The following PPP2R5E variants were observed in gnomAD, a reference collection of about 807,000 sequenced individuals.
PPP2R5E encodes the protein serine/threonine-protein phosphatase 2A 56 kDa regulatory subunit epsilon isoform.
Under a neutral mutation model 65.3 loss-of-function variants are expected in PPP2R5E, and 4 were observed. That is an observed-to-expected ratio of 0.06 (90% CI 0.03 to 0.14). PPP2R5E has a LOEUF of 0.14. Among genes scored for constraint, PPP2R5E ranks in the 10% least tolerant of loss-of-function variants. The pLI, the probability that PPP2R5E is intolerant of heterozygous loss-of-function variation, is 1.00. For synonymous variants in PPP2R5E, 183 were observed against 187.4 expected, an observed-to-expected ratio of 0.98 and a Z score of 0.19; for missense variants, 274 against 556.1, an observed-to-expected ratio of 0.49 and a Z score of 5.10.
chr14:63,427,493 A>C (rs1887403233), intron 3 of PPP2R5E, among the ~76,000 whole-genome samples: 1 of 152,154 alleles, frequency 6.6e-6, no homozygotes, highest in Non-Finnish European at 1.5e-5. Context: ...GGATGTTAGG[A>C]TCAAACTAAA....
In PPP2R5E at chr14:63,540,123, C is replaced by T. The variant is rs544824084; in HGVS notation, c.-7-431G>A. ...CAGCCTGAGTGACAGAGTGAGATTCCGTCCTTTAAAAAAAAAAAAAAAAAG... is the reference window on the plus strand; with the variant it reads ...CAGCCTGAGTGACAGAGTGAGATTCTGTCCTTTAAAAAAAAAAAAAAAAAG... On this transcript the variant is annotated intron_variant, in intron 1 of 13. Transcript: ENST00000337537. Among the ~76,000 whole-genome samples the T allele has an allele frequency of 3.0e-5, 4 of 132,396 alleles. No homozygotes were observed. The East Asian group carries it at 9.1e-4, about 30-fold the overall frequency. The allele number at this position is 132,396 out of a possible 152,430, so 86.9% of individuals were successfully genotyped here. A position where few individuals can be genotyped will look rare whatever the true frequency, so the allele number is the denominator to read the frequency against.
chr14:63,442,572 A>G (rs34717842), intron 3 of PPP2R5E, among the ~76,000 whole-genome samples: 4 of 152,166 alleles, frequency 2.6e-5, no homozygotes, highest in African/African-American at 9.7e-5. Context: ...TGAGAGAGAG[A>G]CAGAGAGAGA....
chr14:63,500,587 T>C (rs556371823), intron 2 of PPP2R5E, among the ~76,000 whole-genome samples: 3 of 152,304 alleles, frequency 2.0e-5, no homozygotes, highest in Admixed American at 6.5e-5. Context: ...ATATGACAGA[T>C]CCCTGGGTGG....
intron 2 of PPP2R5E, among the ~76,000 whole-genome samples, chr14:63,539,050 G>C (rs1893784167): frequency 6.6e-6 from 1 of 152,134 alleles, no homozygotes; most frequent in African/African-American, 2.4e-5. Context: ...GAAAACAAGA[G>C]TGCATGTAAA....
Position 63,522,962 on chromosome 14 carries a change from G to T in PPP2R5E, c.157+16567C>A, listed in dbSNP as rs1318815632. Among the ~76,000 whole-genome samples the T allele has an allele frequency of 3.5e-5, 5 of 143,084 alleles. No homozygotes were observed. The East Asian group carries it at 1.1e-3, about 31-fold the overall frequency. The allele number at this position is 143,084 out of a possible 152,430, so 93.9% of individuals were successfully genotyped here. On this transcript the variant is annotated intron_variant, in intron 2 of 13. Coordinates refer to ENST00000337537, the MANE Select transcript of PPP2R5E (RefSeq NM_006246.5). ...CGCCCCGTCCGGGAGGGAGGTGGGG[G>T]GGTCAGCCCCCTGCCCGGCCAGCCG... is the stretch of plus-strand genomic sequence containing the variant.
At chr14:63,471,749 C>T (rs1287093130) in intron 2 of PPP2R5E, among the ~76,000 whole-genome samples, 1 of 152,184 alleles carries the variant, frequency 6.6e-6, no homozygotes, top group Middle Eastern at 3.2e-3. Flanking sequence ...GGCACCTGTA[C>T]ACTATCCCAC....
At chr14:63,405,446 G>A (rs1886011383) in intron 5 of PPP2R5E, among the ~76,000 whole-genome samples, 2 of 152,186 alleles carry the variant, frequency 1.3e-5, no homozygotes, top group African/African-American at 4.8e-5. Context: ...TTAAGGACAG[G>A]CTGAATGATT....
intron 4 of PPP2R5E, among the ~76,000 whole-genome samples, chr14:63,418,580 G>A (rs1886827213): frequency 6.6e-6 from 1 of 152,174 alleles, no homozygotes. Flanking sequence ...AAGAAGACTA[G>A]CATTCCTGTT....
At position 63,539,624 on chromosome 14, in the gene PPP2R5E, G is replaced by C; in HGVS notation, c.62C>G (p.Ser21Cys). ...CCTCTTCTGTCTGGCTTTTCTGACG[G>C]ACTTCCGAGAAAATCCGTCTACTTT... ...VDKVDGFSRK[S>C]VRKARQKRSQ... Residue 21 changes from serine (S) to cysteine (C), a missense_variant, in exon 2 of 14, where the codon TCC becomes TGC. This residue lies in a region of PPP2R5E where 58 missense variants were observed against 64.8 expected (regional missense o/e 0.90). Coordinates refer to ENST00000337537, the MANE Select transcript of PPP2R5E (RefSeq NM_006246.5). 6.2e-7 allele frequency: 1 copy of C among 1,614,038 alleles called. No individual in the cohort carries two copies. Among genetic ancestry groups the C allele is most frequent in the Non-Finnish European group, 8.5e-7 (1 of 1,179,974 alleles).
rs1257877482 is a variant in PPP2R5E at position 63,371,599 on chromosome 14, G to C, written c.*4410C>G. The C allele has an allele frequency of 5.9e-5, 9 of 152,230 alleles. No individual in the cohort carries two copies. The highest frequency in any genetic ancestry group is 2.2e-4 in the African/African-American group (9 of 41,454). The allele number at this position is 152,230 out of a possible 1,614,324, so 9.4% of individuals were successfully genotyped here. On this transcript the variant is annotated 3_prime_UTR_variant, in exon 14 of 14. Transcript: ENST00000337537. The stretch of plus-strand genomic sequence containing the variant: ...TAGCATGTTTTAGCCAGAGGTGGAA[G>C]ATTGTTTTGTGGCATTTTAAGTTTG...
At chr14:63,524,678 G>C (rs1290795489) in intron 2 of PPP2R5E, among the ~76,000 whole-genome samples, 1 of 152,162 alleles carries the variant, frequency 6.6e-6, no homozygotes, top group Non-Finnish European at 1.5e-5. Context: ...GCCTTCACCA[G>C]GACACAGCAT....
chr14:63,499,084 T>C (rs892106889), intron 2 of PPP2R5E, among the ~76,000 whole-genome samples: 8 of 152,160 alleles, frequency 5.3e-5, no homozygotes, highest in African/African-American at 1.9e-4. Flanking sequence ...TTTTAAGAAA[T>C]GCAGCTACTC....
chr14:63,423,524 A>ATCCTCCTAATGACCCAAACATG (rs1887157886), intron 3 of PPP2R5E, among the ~76,000 whole-genome samples: 1 of 152,106 alleles, frequency 6.6e-6, no homozygotes, highest in South Asian at 2.1e-4. Flanking sequence ...ACCCAAACAT[A>ATCCTCCTAATGACCCAAACATG]TCCTCCTAAT....
intron 6 of PPP2R5E, among the ~76,000 whole-genome samples, 164 bp from the exon 7 acceptor site, chr14:63,395,449 AAGG>A (rs1354578032): frequency 1.6e-4 from 2 of 12,360 alleles, no homozygotes; most frequent in African/African-American, 8.5e-4. Context: ...GGGAAGAGAG[AAGG>A]AGGAGGAGGA....
In PPP2R5E at chr14:63,469,686, T is replaced by C. The variant is rs1017677902; in HGVS notation, c.158-15801A>G. Among the ~76,000 whole-genome samples, 5 of 152,068 alleles carry C rather than the reference T, an allele frequency of 3.3e-5. No homozygotes were observed. The East Asian group carries it at 7.7e-4, about 23-fold the overall frequency. ...TCCAGCCTGGGCGACAGAGCAAGAC[T>C]CCGTTTCAAAAAAATCAAGTAAAGT... is the stretch of plus-strand genomic sequence containing the variant. On this transcript the variant is annotated intron_variant, in intron 2 of 13. Coordinates refer to ENST00000337537, the MANE Select transcript of PPP2R5E (RefSeq NM_006246.5).
At chr14:63,377,504 T>C (rs755602503) in intron 13 of PPP2R5E, among the ~76,000 whole-genome samples, 37 of 152,320 alleles carry the variant, frequency 2.4e-4, no homozygotes, top group Non-Finnish European at 4.3e-4. Flanking sequence ...CTTATTCCAC[T>C]AGAGACTTGA....
chr14:63,464,752 T>TG (rs1195385308), intron 2 of PPP2R5E, among the ~76,000 whole-genome samples: 1 of 152,334 alleles, frequency 6.6e-6, no homozygotes, highest in East Asian at 1.9e-4. Context: ...CCAGGCACGG[T>TG]GGCTCATGCC....
intron 2 of PPP2R5E, among the ~76,000 whole-genome samples, chr14:63,469,055 A>G (rs1337761545): frequency 1.3e-5 from 2 of 152,208 alleles, no homozygotes; most frequent in African/African-American, 2.4e-5. Flanking sequence ...TTTGTTTAGA[A>G]TCTACCATGT....
chr14:63,456,778 G>C (rs903082385), intron 2 of PPP2R5E, among the ~76,000 whole-genome samples: 2 of 152,078 alleles, frequency 1.3e-5, no homozygotes, highest in Non-Finnish European at 2.9e-5. Context: ...CAGAACACAG[G>C]GTGTGTGCAA....
Sources: allele counts gnomAD v4.1 joint callset (sites outside exome capture counted in the v4.1 genomes callset), GRCh38; gene constraint gnomAD v4.1.1; regional missense constraint gnomAD v4.1.1; transcripts MANE v1.5; gene names NCBI Gene and HGNC (gene_info 2026-07-23, HGNC 2026-07-21).